The following SLC4A10 variants were observed in gnomAD, a reference collection of about 807,000 sequenced individuals.
The protein encoded by SLC4A10 is sodium-driven chloride bicarbonate exchanger.
In SLC4A10, 42 loss-of-function variants were observed where a neutral mutation model predicts 137.7. That is an observed-to-expected ratio of 0.30 (90% confidence interval 0.24 to 0.39). The LOEUF (loss-of-function observed/expected upper bound fraction) is 0.39. Among genes scored for constraint, SLC4A10 ranks in the 10% least tolerant of loss-of-function variants. SLC4A10 has a pLI of 1.00. For synonymous variants in SLC4A10, 474 were observed against 464.1 expected (o/e 1.02, Z -0.27); for missense variants, 925 against 1,355.0 (o/e 0.68, Z 4.98).
In SLC4A10 at chr2:161,807,084, G is replaced by A. The variant is rs116027479; in HGVS notation, c.277+2489G>A. 4.7e-3 allele frequency among the ~76,000 whole-genome samples: 714 copies of A among 152,136 alleles called. 1 individual carries two copies. Among genetic ancestry groups the A allele is most frequent in the Non-Finnish European group, 8.2e-3 (556 of 67,990 alleles). On this transcript the variant is annotated intron_variant, in intron 3 of 26. Coordinates refer to ENST00000446997, the MANE Select transcript of SLC4A10 (RefSeq NM_001178015.2). ...CAGCAGGTAAAGAGACCTTGTGCAG[G>A]AAAACTCTGCCTTATAATAACCATC...
At chr2:161,767,944 A>T (rs1452048934) in intron 1 of SLC4A10, among the ~76,000 whole-genome samples, 1 of 152,020 alleles carries the variant, frequency 6.6e-6, no homozygotes, top group Non-Finnish European at 1.5e-5. Flanking sequence ...CTCAGAAAAA[A>T]GGTGTCCCTA....
At chr2:161,639,717 T>A (rs1279064659) in intron 1 of SLC4A10, among the ~76,000 whole-genome samples, 2 of 152,032 alleles carry the variant, frequency 1.3e-5, no homozygotes, top group African/African-American at 4.8e-5. Flanking sequence ...TAAAACAAGA[T>A]AAGGATGCCC....
chr2:161,719,356 A>G (rs1354342093), intron 1 of SLC4A10, among the ~76,000 whole-genome samples: 4 of 152,216 alleles, frequency 2.6e-5, no homozygotes, highest in East Asian at 3.8e-4. Context: ...TAGAGCCACA[A>G]TAAACATACA....
chr2:161,891,957 G>A (rs2062973102), intron 10 of SLC4A10, among the ~76,000 whole-genome samples: 1 of 151,928 alleles, frequency 6.6e-6, no homozygotes, highest in African/African-American at 2.4e-5. Flanking sequence ...GTTTGAGAAG[G>A]GGGTCAGGGA....
intron 2 of SLC4A10, among the ~76,000 whole-genome samples, chr2:161,794,500 A>G (rs1258519262): frequency 6.6e-6 from 1 of 152,174 alleles, no homozygotes; most frequent in Non-Finnish European, 1.5e-5. Context: ...GCATAACCCA[A>G]GTGCCCCAGA....
At chr2:161,853,148 T>C (rs946664913) in intron 4 of SLC4A10, among the ~76,000 whole-genome samples, 47 of 152,298 alleles carry the variant, frequency 3.1e-4, no homozygotes, top group African/African-American at 9.6e-4. Context: ...TTTATGCTGA[T>C]ATGATTAACG....
At chr2:161,886,415 T>C (rs769845354) in intron 10 of SLC4A10, among the ~76,000 whole-genome samples, 7 of 152,156 alleles carry the variant, frequency 4.6e-5, no homozygotes, top group Non-Finnish European at 7.4e-5. Flanking sequence ...GTTGGTTCAA[T>C]CTGAATCTTG....
chr2:161,949,167 A>G lies in SLC4A10; in HGVS notation c.2285A>G (p.Asp762Gly). 1 of 1,609,406 alleles carries G rather than the reference A, an allele frequency of 6.2e-7. No homozygotes were observed. The highest frequency in any genetic ancestry group is 8.5e-7 in the Non-Finnish European group (1 of 1,177,362). ...FPTKVRSIVS[D>G]FAVFLTILCM... Reference sequence around the variant, plus strand: ...TTTTAGGTTCGATCCATAGTGAGTGACTTTGCTGTCTTTCTTACAATTCTG... The same window carrying G: ...TTTTAGGTTCGATCCATAGTGAGTGGCTTTGCTGTCTTTCTTACAATTCTG... Residue 762 changes from aspartate (D) to glycine (G), a missense_variant, in exon 18 of 27, where the codon GAC (aspartate) becomes GGC (glycine). Around this residue, in one of 11 missense-constraint regions of SLC4A10, gnomAD observed 82 missense variants for 151.4 expected, o/e 0.54. Coordinates refer to ENST00000446997, the MANE Select transcript of SLC4A10 (RefSeq NM_001178015.2).
rs763231872 is a variant in SLC4A10, at chr2:161,977,746, G to A, written c.*12G>A. The A allele has an allele frequency of 1.9e-6, 3 of 1,596,822 alleles. No individual in the cohort carries two copies. The highest frequency in any genetic ancestry group is 8.5e-7 in the Non-Finnish European group (1 of 1,173,708). ...GCTCCCCTTCCTAATCACTCTAGAA[G>A]CTGATTCCCCAAAGGTAAGACCCTC... On this transcript the variant is annotated 3_prime_UTR_variant, in exon 26 of 27. Transcript: ENST00000446997.
intron 4 of SLC4A10, among the ~76,000 whole-genome samples, chr2:161,854,573 G>A (rs2125854151): frequency 6.6e-6 from 1 of 152,194 alleles, no homozygotes; most frequent in African/African-American, 2.4e-5. Flanking sequence ...TCAGGTTTAA[G>A]ACCTCCCACT....
At chr2:161,861,142 T>C (rs2060412504) in intron 5 of SLC4A10, among the ~76,000 whole-genome samples, 1 of 152,198 alleles carries the variant, frequency 6.6e-6, no homozygotes, top group African/African-American at 2.4e-5. Context: ...AGCTTGTCTT[T>C]CTCTGGTTTA....
At chr2:161,973,229 C>A (rs1452463222) in intron 23 of SLC4A10, among the ~76,000 whole-genome samples, 1 of 152,086 alleles carries the variant, frequency 6.6e-6, no homozygotes, top group Non-Finnish European at 1.5e-5. Context: ...GGGGTTAGAA[C>A]CAATAATTCT....
intron 10 of SLC4A10, among the ~76,000 whole-genome samples, chr2:161,892,430 T>C (rs1204025308): frequency 1.3e-5 from 2 of 152,058 alleles, no homozygotes; most frequent in Non-Finnish European, 2.9e-5. Context: ...AAAAAATCTC[T>C]TTCTCAAAAT....
At chr2:161,831,160 T>C (rs2058411499) in intron 3 of SLC4A10, among the ~76,000 whole-genome samples, 1 of 152,130 alleles carries the variant, frequency 6.6e-6, no homozygotes, top group Non-Finnish European at 1.5e-5. Context: ...TAGGCAAGAG[T>C]TACCACAGAT....
At chr2:161,715,926 T>C (rs1438317724) in intron 1 of SLC4A10, among the ~76,000 whole-genome samples, 8 of 152,158 alleles carry the variant, frequency 5.3e-5, no homozygotes, top group Non-Finnish European at 1.2e-4. Context: ...TCTACAATGT[T>C]TGAACTAATT....
chr2:161,740,850 G>A (rs2047807296), intron 1 of SLC4A10, among the ~76,000 whole-genome samples: 1 of 152,200 alleles, frequency 6.6e-6, no homozygotes, highest in Middle Eastern at 3.4e-3. Context: ...CCCAGTCAGG[G>A]ACAATATCTA....
chr2:161,669,387 A>C (rs564243216), intron 1 of SLC4A10, among the ~76,000 whole-genome samples: 1 of 151,922 alleles, frequency 6.6e-6, no homozygotes, highest in East Asian at 1.9e-4. Context: ...ACACATACAG[A>C]CGTACATATA....
At chr2:161,927,524 A>G (rs2105576164) in intron 15 of SLC4A10, among the ~76,000 whole-genome samples, 1 of 152,320 alleles carries the variant, frequency 6.6e-6, no homozygotes, top group African/African-American at 2.4e-5. Context: ...GACAAATGGG[A>G]TCTAATTAAA....
intron 1 of SLC4A10, among the ~76,000 whole-genome samples, chr2:161,746,179 T>C (rs1194099487): frequency 6.6e-6 from 1 of 152,106 alleles, no homozygotes; most frequent in Admixed American, 6.5e-5. Flanking sequence ...GTGCAGCATG[T>C]TCCCTTCTGA....
Sources: gnomAD v4.1 joint callset for allele counts (sites outside exome capture counted in the v4.1 genomes callset) on GRCh38, gnomAD v4.1.1 for gene constraint, gnomAD v4.1.1 regional missense constraint, MANE v1.5 for transcripts, NCBI Gene and HGNC (gene_info 2026-07-23, HGNC 2026-07-21) for gene names.